The following SKAP2 variants were observed in gnomAD, a reference collection of about 807,000 sequenced individuals.
SKAP2 encodes the protein src kinase-associated phosphoprotein 2.
SKAP2 carries 28 observed loss-of-function variants against 54.9 expected under a neutral mutation model. The observed-to-expected ratio is 0.51, with a 90% CI of 0.38 to 0.70. The LOEUF (loss-of-function observed/expected upper bound fraction) is 0.70, where lower values mean the gene tolerates loss of function less well. Ranked by LOEUF, SKAP2 falls within the 30% of genes least tolerant of loss-of-function variation. SKAP2 has a pLI of 0.00. For missense variants in SKAP2, 356 were observed against 424.1 expected (o/e 0.84, Z 1.41); for synonymous variants, 137 against 134.3 (o/e 1.02, Z -0.14).
At chr7:26,659,751 T>C in the SKAP2 span, among the ~76,000 whole-genome samples, 2 of 152,062 alleles carry the variant, frequency 1.3e-5, no homozygotes, top group African/African-American at 2.4e-5. Context: ...TATATACTTA[T>C]AAATAATGAA....
the SKAP2 span, among the ~76,000 whole-genome samples, chr7:26,661,989 C>T: frequency 1.3e-5 from 2 of 152,124 alleles, no homozygotes; most frequent in African/African-American, 4.8e-5. Flanking sequence ...GAAACTTATT[C>T]TAGGGCACAA....
At chr7:26,714,045 A>T (rs978450453) in intron 9 of SKAP2, among the ~76,000 whole-genome samples, 11 of 152,232 alleles carry the variant, frequency 7.2e-5, no homozygotes, top group Admixed American at 2.6e-4. Flanking sequence ...TGATTAGGAG[A>T]GTACTGGTGA....
At chr7:26,775,693 C>T (rs146892769) in intron 4 of SKAP2, among the ~76,000 whole-genome samples, 26 of 152,052 alleles carry the variant, frequency 1.7e-4, no homozygotes, top group African/African-American at 5.3e-4. Flanking sequence ...CTCCCTCCCA[C>T]GCCCCCTTCC....
chr7:26,674,760 A>G (rs1220004047), intron 11 of SKAP2, among the ~76,000 whole-genome samples: 1 of 152,176 alleles, frequency 6.6e-6, no homozygotes, highest in Non-Finnish European at 1.5e-5. Context: ...TCCTCCTTGC[A>G]TTGTATACTC....
chr7:26,822,225 C>G (rs913553935), intron 4 of SKAP2, among the ~76,000 whole-genome samples: 1 of 152,150 alleles, frequency 6.6e-6, no homozygotes, highest in African/African-American at 2.4e-5. Flanking sequence ...ACAGATACTG[C>G]ATTTTTTACA....
At chr7:26,832,348 T>C (rs1784612600) in intron 4 of SKAP2, among the ~76,000 whole-genome samples, 1 of 152,206 alleles carries the variant, frequency 6.6e-6, no homozygotes, top group African/African-American at 2.4e-5. Context: ...TTGACTGACA[T>C]ACTTATTTGG....
Position 26,818,252 on chromosome 7 carries a change from G to A in SKAP2, c.307+25778C>T, listed in dbSNP as rs138255121. Among the ~76,000 whole-genome samples the A allele has an allele frequency of 4.4e-3, 670 of 152,168 alleles. 6 individuals carry two copies. The highest frequency in any genetic ancestry group is 0.015 in the African/African-American group (623 of 41,520). On this transcript the variant is annotated intron_variant, in intron 4 of 12. Coordinates refer to ENST00000345317, the MANE Select transcript of SKAP2 (RefSeq NM_003930.5). Reference sequence around the variant, plus strand: ...TACCAAAACAGATACATAGACCAACGGAACAGAAAAGAGGCCTCAGAAGTA... The same window carrying A: ...TACCAAAACAGATACATAGACCAACAGAACAGAAAAGAGGCCTCAGAAGTA...
chr7:26,779,061 T>C (rs1783371735), intron 4 of SKAP2, among the ~76,000 whole-genome samples: 4 of 152,004 alleles, frequency 2.6e-5, no homozygotes, highest in Admixed American at 2.6e-4. Flanking sequence ...AGTGACAAGA[T>C]TTAATTTTTA....
chr7:26,853,986 A>C, intron 3 of SKAP2, 151 bp downstream of exon 3: 2 of 546,002 alleles, frequency 3.7e-6, no homozygotes, highest in Non-Finnish European at 6.6e-6. Context: ...CAGCAGGGGG[A>C]GCTAGCACTC....
intron 4 of SKAP2, among the ~76,000 whole-genome samples, chr7:26,807,066 G>C (rs546770918): frequency 2.6e-5 from 4 of 152,296 alleles, no homozygotes; most frequent in Admixed American, 1.3e-4. Context: ...GAAATCTCAT[G>C]ATAAAACTTG....
chr7:26,725,949 AC>A lies in SKAP2; in HGVS notation c.631del (p.Val211TyrfsTer4). 2 of 1,611,372 alleles carry A rather than the reference AC, an allele frequency of 1.2e-6. No individual in the cohort carries two copies. The highest frequency in any genetic ancestry group is 1.1e-5 in the South Asian group (1 of 91,008). ...AASPKDAEEW[V>X]QQLKFVLQDM... ...TTGCAATACAAATTTCAGCTGCTGT[AC>A]CCATTCTTCAGCATCTTTGGGAGAA... On this transcript the variant is annotated frameshift_variant, in exon 8 of 13. Transcript: ENST00000345317. LOFTEE classifies it high-confidence loss of function.
At chr7:26,810,519 C>A (rs1432260122) in intron 4 of SKAP2, among the ~76,000 whole-genome samples, 1 of 152,058 alleles carries the variant, frequency 6.6e-6, no homozygotes, top group Non-Finnish European at 1.5e-5. Context: ...ACTGCTTAAC[C>A]TACTTATACT....
At chr7:26,741,882 A>C (rs1331053736) in intron 4 of SKAP2, among the ~76,000 whole-genome samples, 1 of 151,912 alleles carries the variant, frequency 6.6e-6, no homozygotes, top group Non-Finnish European at 1.5e-5. Context: ...ATTTTTTCTT[A>C]AGAAATAAAG....
At chr7:26,759,225 CA>C (rs1414930608) in intron 4 of SKAP2, among the ~76,000 whole-genome samples, 1 of 152,114 alleles carries the variant, frequency 6.6e-6, no homozygotes, top group East Asian at 1.9e-4. Flanking sequence ...ACAGCTCTAG[CA>C]ACTGCTGCTA....
At chr7:26,726,811 T>C (rs141990129) in intron 7 of SKAP2, 71 bp downstream of exon 7, 25 of 1,238,900 alleles carry the variant, frequency 2.0e-5, no homozygotes, top group South Asian at 3.2e-5. Flanking sequence ...ATTAATCAAA[T>C]GTTAATGTCT....
intron 4 of SKAP2, among the ~76,000 whole-genome samples, chr7:26,815,562 CTTA>C (rs1784248431): frequency 6.6e-6 from 1 of 152,106 alleles, no homozygotes; most frequent in Non-Finnish European, 1.5e-5. Context: ...ACCAATATAA[CTTA>C]TGGTGCCAAG....
At chr7:26,809,135 C>T (rs1306174688) in intron 4 of SKAP2, among the ~76,000 whole-genome samples, 2 of 152,188 alleles carry the variant, frequency 1.3e-5, no homozygotes, top group Middle Eastern at 3.4e-3. Flanking sequence ...GTGGTCTGGC[C>T]GGGCGCGGTG....
chr7:26,849,077 G>T (rs189461144), intron 3 of SKAP2, among the ~76,000 whole-genome samples: 13 of 152,310 alleles, frequency 8.5e-5, no homozygotes, highest in Non-Finnish European at 1.8e-4. Context: ...AGATTTCACT[G>T]TGGAGTTATC....
intron 4 of SKAP2, among the ~76,000 whole-genome samples, chr7:26,801,203 T>C (rs1783906461): frequency 6.6e-6 from 1 of 152,162 alleles, no homozygotes; most frequent in Non-Finnish European, 1.5e-5. Context: ...TGGCTCAACA[T>C]ATACAAATCA....
Sources: allele counts gnomAD v4.1 joint callset (sites outside exome capture counted in the v4.1 genomes callset), GRCh38; gene constraint gnomAD v4.1.1; transcripts MANE v1.5; gene names NCBI Gene and HGNC (gene_info 2026-07-23, HGNC 2026-07-21).